The following XRCC4 variants were observed in gnomAD, a reference collection of about 807,000 sequenced individuals.
XRCC4 encodes the protein X-ray repair cross complementing 4, also known as DNA repair protein XRCC4.
In XRCC4, 28 loss-of-function variants were observed where a neutral mutation model predicts 39.1. That is an observed-to-expected ratio of 0.72 (90% CI 0.53 to 0.98). The LOEUF (loss-of-function observed/expected upper bound fraction) is 0.98. XRCC4 is among the 50% of genes least tolerant of loss of function. The pLI is 0.00. For synonymous variants in XRCC4, 123 were observed against 126.4 expected (o/e 0.97, Z 0.18); for missense variants, 350 against 376.4 (o/e 0.93, Z 0.58).
At chr5:83,167,102 A>G (rs1463431524) in intron 3 of XRCC4, among the ~76,000 whole-genome samples, 2 of 151,990 alleles carry the variant, frequency 1.3e-5, no homozygotes, top group Non-Finnish European at 2.9e-5. Context: ...GGCTGGTCTC[A>G]AACTCCTCAC....
intron 3 of XRCC4, among the ~76,000 whole-genome samples, chr5:83,118,365 G>A (rs2112433168): frequency 6.6e-6 from 1 of 151,220 alleles, no homozygotes; most frequent in Admixed American, 6.6e-5. Context: ...ACAGTGATGT[G>A]ATCATAGCTC....
chr5:83,235,329 T>TTC (rs1752644610), intron 6 of XRCC4, among the ~76,000 whole-genome samples: 1 of 98,122 alleles, frequency 1.0e-5, no homozygotes, highest in East Asian at 3.5e-4. Flanking sequence ...ATCAAGACCC[T>TTC]ATCTCAAAAA....
intron 6 of XRCC4, among the ~76,000 whole-genome samples, chr5:83,245,332 T>C (rs141816099): frequency 6.6e-6 from 1 of 152,282 alleles, no homozygotes; most frequent in East Asian, 1.9e-4. Flanking sequence ...TCTGTTGCTG[T>C]GTAGACTTGG....
chr5:83,229,146 A>G (rs986595353), intron 6 of XRCC4, among the ~76,000 whole-genome samples: 3 of 152,072 alleles, frequency 2.0e-5, no homozygotes, highest in Non-Finnish European at 4.4e-5. Flanking sequence ...CTCTTGATAT[A>G]AAGTTCCACT....
At chr5:83,272,719 G>T (rs1246819771) in intron 7 of XRCC4, among the ~76,000 whole-genome samples, 2 of 152,014 alleles carry the variant, frequency 1.3e-5, no homozygotes, top group African/African-American at 4.8e-5. Context: ...AAATGATAGT[G>T]TCCAACTTCA....
chr5:83,278,089 G>A (rs905869342), intron 7 of XRCC4, among the ~76,000 whole-genome samples: 9 of 152,166 alleles, frequency 5.9e-5, no homozygotes, highest in Non-Finnish European at 1.3e-4. Flanking sequence ...CAGACAAATG[G>A]AGTCAAGCTC....
chr5:83,300,580 C>CTTTTTTTTT (rs70973390), intron 7 of XRCC4, among the ~76,000 whole-genome samples: 1 of 122,094 alleles, frequency 8.2e-6, no homozygotes. Flanking sequence ...GTGTGTGTCC[C>CTTTTTTTTT]TTTTTTTTTT....
intron 7 of XRCC4, among the ~76,000 whole-genome samples, chr5:83,302,566 G>A (rs1429023781): frequency 2.0e-5 from 3 of 152,120 alleles, no homozygotes; most frequent in Non-Finnish European, 4.4e-5. Context: ...TACCTCAGTT[G>A]GAAATGCAGA....
intron 6 of XRCC4, among the ~76,000 whole-genome samples, chr5:83,216,167 A>G (rs1240921905): frequency 1.3e-5 from 2 of 152,218 alleles, no homozygotes; most frequent in Non-Finnish European, 2.9e-5. Context: ...TTGAATAGGC[A>G]TTTCATTGAA....
chr5:83,342,078 G>A (rs1025743522), intron 7 of XRCC4, among the ~76,000 whole-genome samples: 8 of 152,144 alleles, frequency 5.3e-5, no homozygotes, highest in Non-Finnish European at 5.9e-5. Flanking sequence ...AGTAGCAAAT[G>A]TCACCTATGT....
intron 3 of XRCC4, among the ~76,000 whole-genome samples, chr5:83,123,611 T>G (rs1348161877): frequency 6.6e-6 from 1 of 152,076 alleles, no homozygotes; most frequent in East Asian, 1.9e-4. Context: ...TTTATTTACT[T>G]GTTCCTCTCT....
At chr5:83,315,639 C>T (rs541249484) in intron 7 of XRCC4, among the ~76,000 whole-genome samples, 1 of 152,224 alleles carries the variant, frequency 6.6e-6, no homozygotes, top group East Asian at 1.9e-4. Flanking sequence ...TAAATCTATG[C>T]TGCCTTTGCT....
intron 3 of XRCC4, among the ~76,000 whole-genome samples, chr5:83,192,247 A>G (rs1750733896): frequency 7.1e-6 from 1 of 139,906 alleles, no homozygotes; most frequent in Non-Finnish European, 1.6e-5. Flanking sequence ...ATATGTACAT[A>G]TTATATATAC....
intron 6 of XRCC4, among the ~76,000 whole-genome samples, chr5:83,222,774 G>T (rs1752137561): frequency 6.6e-6 from 1 of 151,958 alleles, no homozygotes; most frequent in Admixed American, 6.6e-5. Context: ...TTGAGACAGG[G>T]TCTCACTTTA....
chr5:83,361,351 C>G, the XRCC4 span, among the ~76,000 whole-genome samples: 1 of 152,124 alleles, frequency 6.6e-6, no homozygotes, highest in African/African-American at 2.4e-5. Flanking sequence ...TTATGAGTTT[C>G]TGTAGGATAT....
intron 7 of XRCC4, among the ~76,000 whole-genome samples, chr5:83,348,196 G>A (rs1561486684): frequency 6.6e-6 from 1 of 152,026 alleles, no homozygotes; most frequent in Non-Finnish European, 1.5e-5. Context: ...GTGGTCTGGA[G>A]GATGGTGGCT....
At chr5:83,080,846 A>C (rs1399391844) in intron 1 of XRCC4, among the ~76,000 whole-genome samples, 4 of 152,236 alleles carry the variant, frequency 2.6e-5, no homozygotes. Flanking sequence ...CAAAAAAAGG[A>C]AAGTTCTCCA....
chr5:83,303,314 A>T (rs1197099807), intron 7 of XRCC4, among the ~76,000 whole-genome samples: 1 of 152,146 alleles, frequency 6.6e-6, no homozygotes, highest in Non-Finnish European at 1.5e-5. Flanking sequence ...CTGTAAAATT[A>T]AGTGAAAGAT....
intron 7 of XRCC4, among the ~76,000 whole-genome samples, chr5:83,265,863 G>A (rs1276857551): frequency 7.3e-6 from 1 of 136,118 alleles, no homozygotes; most frequent in East Asian, 2.0e-4. Context: ...ATATTTCGAT[G>A]TTTATAACAC....
Sources: gnomAD v4.1 joint callset for allele counts (sites outside exome capture counted in the v4.1 genomes callset) on GRCh38, gnomAD v4.1.1 for gene constraint, MANE v1.5 for transcripts, NCBI Gene and HGNC (gene_info 2026-07-23, HGNC 2026-07-21) for gene names.